Variants in FBXL6 observed in about 807,000 individuals in gnomAD.
FBXL6 encodes the protein F-box and leucine rich repeat protein 6, also known as F-box/LRR-repeat protein 6.
FBXL6 carries 50 observed loss-of-function variants against 53.3 expected under a neutral mutation model. The ratio of observed to expected loss-of-function variants is 0.94; its 90% confidence interval spans 0.75 to 1.19. FBXL6 has a LOEUF of 1.19. Among genes scored for constraint, FBXL6 ranks in the 50% most tolerant of loss-of-function variants. The pLI is 0.00. For synonymous variants in FBXL6, 405 were observed against 322.9 expected, an observed-to-expected ratio of 1.25 and a Z score of -2.73; for missense variants, 815 against 719.0, an observed-to-expected ratio of 1.13 and a Z score of -1.53.
intron 7 of FBXL6, 34 bp downstream of exon 7, chr8:144,356,266 C>A: frequency 1.2e-6 from 2 of 1,611,570 alleles, no homozygotes; most frequent in Non-Finnish European, 8.5e-7. Flanking sequence ...GCCCCCACAC[C>A]TCACCCGCCC....
In FBXL6 at chr8:144,355,965, G is replaced by C. The variant is rs370546557; in HGVS notation, c.1472+3C>G. On this transcript the variant is annotated splice_donor_region_variant and intron_variant, in intron 8 of 8. Coordinates refer to ENST00000331890, the MANE Select transcript of FBXL6 (RefSeq NM_012162.4). The stretch of plus-strand genomic sequence containing the variant: ...TCCAGGGACTGGGGTAGGGGATGCT[G>C]ACCTGACAGTGCTTGGTGTGACCCG... 6.2e-7 allele frequency: 1 copy of C among 1,611,576 alleles called. No homozygotes were observed. The highest frequency in any genetic ancestry group is 2.2e-5 in the East Asian group (1 of 44,842).
chr8:144,357,042 A>G lies in FBXL6; in HGVS notation c.719T>C (p.Met240Thr). The G allele has an allele frequency of 6.2e-7, 1 of 1,612,968 alleles. No individual in the cohort carries two copies. The highest frequency in any genetic ancestry group is 8.5e-7 in the Non-Finnish European group (1 of 1,180,008). ...CHGVTADALV[M>T]LAKACCQLHS... ...GAGCTGGCAGCAGGCTTTGGCTAGC[A>G]TGACCAGAGCGTCAGCAGTCACACC... The change falls in exon 4 of 9, where the codon ATG (methionine) becomes ACG (threonine). Residue 240 changes from methionine (M) to threonine (T), a missense_variant. Met to Thr is a moderately conservative substitution (Grantham distance 81, BLOSUM62 -1). Coordinates refer to ENST00000331890, the MANE Select transcript of FBXL6 (RefSeq NM_012162.4).
chr8:144,356,944 A>G, intron 4 of FBXL6, 29 bp from the exon 5 acceptor site: 1 of 1,612,910 alleles, frequency 6.2e-7, no homozygotes, highest in Non-Finnish European at 8.5e-7. Flanking sequence ...AGCACCCGTC[A>G]CCCCGGCCTG....
At chr8:144,357,605 A>G in intron 2 of FBXL6, 23 bp downstream of exon 2, 1 of 1,606,054 alleles carries the variant, frequency 6.2e-7, no homozygotes, top group Non-Finnish European at 8.5e-7. Flanking sequence ...AGCCAGGGGT[A>G]AGGAAGAGAG....
Position 144,355,996 on chromosome 8 carries a change from C to A in FBXL6, c.1444G>T (p.Gly482Cys), listed in dbSNP as rs199589027. ...HPALCSLNLR[G>C]TRVTPSTVSS... ...ACAGTGCTTGGTGTGACCCGGGTGC[C>A]CCTGAGGTTAAGAGAGCACAGGGCT... Residue 482 changes from glycine (G) to cysteine (C), a missense_variant, in exon 8 of 9, where the codon GGC becomes TGC. Gly to Cys is a radical substitution (Grantham distance 159). Coordinates refer to ENST00000331890, the MANE Select transcript of FBXL6 (RefSeq NM_012162.4). 3 of 1,612,996 alleles carry A rather than the reference C, an allele frequency of 1.9e-6. No homozygotes were observed. The East Asian group carries it at 6.7e-5, about 36-fold the overall frequency.
intron 7 of FBXL6, 21 bp downstream of exon 7, chr8:144,356,279 C>A: frequency 6.2e-7 from 1 of 1,611,736 alleles, no homozygotes; most frequent in African/African-American, 1.3e-5. Flanking sequence ...ACCCGCCCGG[C>A]CACCACCCAG....
In FBXL6 at chr8:144,356,860, T is replaced by C; in HGVS notation, c.827A>G (p.Lys276Arg). 6.2e-7 allele frequency: 1 copy of C among 1,613,356 alleles called. No homozygotes were observed. Among genetic ancestry groups the C allele is most frequent in the Non-Finnish European group, 8.5e-7 (1 of 1,179,988 alleles). Residue 276 changes from lysine (K) to arginine (R), a missense_variant, in exon 5 of 9, where the codon AAG (lysine) becomes AGG (arginine). Coordinates refer to ENST00000331890, the MANE Select transcript of FBXL6 (RefSeq NM_012162.4). ...FLEEAGSRMR[K>R]LWLTYSSQTT... Reference sequence around the variant, plus strand: ...CTGGGAGCTGTAGGTCAGCCACAACTTGCGCATTCGGGACCCTGCCTCCTC... The same window carrying C: ...CTGGGAGCTGTAGGTCAGCCACAACCTGCGCATTCGGGACCCTGCCTCCTC...
In FBXL6 at chr8:144,355,644, G is replaced by C; in HGVS notation, c.1507C>G (p.Leu503Val). 2 of 1,610,956 alleles carry C rather than the reference G, an allele frequency of 1.2e-6. No homozygotes were observed. The highest frequency in any genetic ancestry group is 1.7e-6 in the Non-Finnish European group (2 of 1,179,802). ...AGGCAGCGGCAGGACTCCAGGTTGAGGTAGAGCAGGCCCGGGCAGCCGCTG... is the reference window on the plus strand; with the variant it reads ...AGGCAGCGGCAGGACTCCAGGTTGACGTAGAGCAGGCCCGGGCAGCCGCTG... Reference protein sequence around the residue: ...VISGCPGLLYLNLESCRCLPR... With the variant: ...VISGCPGLLYVNLESCRCLPR... Residue 503 changes from leucine (L) to valine (V), a missense_variant, in exon 9 of 9, where the codon CTC (leucine) becomes GTC (valine). Physicochemically the swap from Leu to Val is conservative, Grantham distance 32. Coordinates refer to ENST00000331890, the MANE Select transcript of FBXL6 (RefSeq NM_012162.4).
At position 144,356,169 on chromosome 8, in the gene FBXL6, A is replaced by G. The variant is rs1554852718; in HGVS notation, c.1271T>C (p.Leu424Pro). ...GGGGCTGCCCTCCTTGGCTAGAGTC[A>G]GCCGGTCTGACGTGCCATACAGGCC... ...HLGLYGTSDR[L>P]TLAKEGSPFL... The change falls in exon 8 of 9, where the codon CTG (leucine) becomes CCG (proline). Residue 424 changes from leucine to proline, a missense_variant. Transcript: ENST00000331890. 1 of 1,612,006 alleles carries G rather than the reference A, an allele frequency of 6.2e-7. No individual in the cohort carries two copies. Among genetic ancestry groups the G allele is most frequent in the African/African-American group, 1.3e-5 (1 of 74,710 alleles).
chr8:144,357,293 G>C, intron 3 of FBXL6, 146 bp downstream of exon 3: 1 of 1,245,914 alleles, frequency 8.0e-7, no homozygotes, highest in South Asian at 1.5e-5. Context: ...CCTGCTGGAG[G>C]AAACAGCAGG....
chr8:144,357,629 G>T lies in FBXL6; in HGVS notation c.574C>A (p.Arg192=), dbSNP rs782387059. The T allele has an allele frequency of 8.7e-6, 14 of 1,605,734 alleles. No individual in the cohort carries two copies. The highest frequency in any genetic ancestry group is 1.2e-5 in the Non-Finnish European group (14 of 1,174,916). The change falls in exon 2 of 9, where the codon CGG becomes AGG. Residue 192 remains arginine (R), a splice_region_variant and synonymous_variant. Coordinates refer to ENST00000331890, the MANE Select transcript of FBXL6 (RefSeq NM_012162.4). The part of the protein sequence containing the change: ...LASLEWLMPN[R]FSQLQRLTLI... ...TAAGGAAGAGAGGGAACCCCTCACC[G>T]ATTGGGCATAAGCCACTCCAGGGAA...
intron 3 of FBXL6, 126 bp downstream of exon 3, chr8:144,357,313 C>CCAGG: frequency 1.6e-6 from 2 of 1,284,866 alleles, no homozygotes; most frequent in Non-Finnish European, 2.1e-6. Context: ...GAAAAGAGAA[C>CCAGG]CAGGCAGGCA....
At position 144,356,807 on chromosome 8, in the gene FBXL6, C is replaced by A; in HGVS notation, c.879+1G>T. ...CTCTGCTCCCACCAATGCCAACTTACCAGCAGTGCGCCCAGGATGGCTGTC... is the reference window on the plus strand; with the variant it reads ...CTCTGCTCCCACCAATGCCAACTTAACAGCAGTGCGCCCAGGATGGCTGTC... On this transcript the variant is annotated splice_donor_variant, in intron 5 of 8. Coordinates refer to ENST00000331890, the MANE Select transcript of FBXL6 (RefSeq NM_012162.4). LOFTEE classifies it high-confidence loss of function. 6.2e-7 allele frequency: 1 copy of A among 1,613,318 alleles called. No individual in the cohort carries two copies. Among genetic ancestry groups the A allele is most frequent in the Non-Finnish European group, 8.5e-7 (1 of 1,180,012 alleles).
At chr8:144,357,241 C>A in intron 3 of FBXL6, 120 bp from the exon 4 acceptor site, 2 of 1,415,068 alleles carry the variant, frequency 1.4e-6, no homozygotes, top group Non-Finnish European at 1.9e-6. Context: ...CTCCTTTCTG[C>A]CCATGCCAGG....
In FBXL6 at chr8:144,355,532, T is replaced by C; in HGVS notation, c.1619A>G (p.Ter540TrpextTer29). The change falls in exon 9 of 9, where the codon TAG becomes TGG. Residue 540 changes from the stop codon to tryptophan, a stop_lost. Transcript: ENST00000331890. ...EQLLTSPSPS[*>W] ...GAGGTGTCCCAGGTCTGTGGCTGCC[T>C]AGCTGGGTGAGGGGCTGGTGAGCAG... 1 of 1,608,296 alleles carries C rather than the reference T, an allele frequency of 6.2e-7. No individual in the cohort carries two copies. Among genetic ancestry groups the C allele is most frequent in the Non-Finnish European group, 8.5e-7 (1 of 1,177,406 alleles).
rs1009060977 is a variant in FBXL6 at position 144,357,039 on chromosome 8, A to G, written c.722T>C (p.Leu241Pro). Reference sequence around the variant, plus strand: ...ATGGAGCTGGCAGCAGGCTTTGGCTAGCATGACCAGAGCGTCAGCAGTCAC... The same window carrying G: ...ATGGAGCTGGCAGCAGGCTTTGGCTGGCATGACCAGAGCGTCAGCAGTCAC... ...HGVTADALVM[L>P]AKACCQLHSL... The change falls in exon 4 of 9, where the codon CTA (leucine) becomes CCA (proline). Residue 241 changes from leucine to proline, a missense_variant. Coordinates refer to ENST00000331890, the MANE Select transcript of FBXL6 (RefSeq NM_012162.4). 1 of 1,612,990 alleles carries G rather than the reference A, an allele frequency of 6.2e-7. No homozygotes were observed. Among genetic ancestry groups the G allele is most frequent in the East Asian group, 2.2e-5 (1 of 44,884 alleles).
In FBXL6 at chr8:144,356,534, G is replaced by T; in HGVS notation, c.994-3C>A. ...ATCAGGTTCAACAGCCGCAGCACCT[G>T]GGGGCAAGGTCCAGGCTGTAGATGG... On this transcript the variant is annotated splice_region_variant and splice_polypyrimidine_tract_variant and intron_variant, in intron 6 of 8. Transcript: ENST00000331890. The T allele has an allele frequency of 6.2e-7, 1 of 1,612,874 alleles. No individual in the cohort carries two copies. Among genetic ancestry groups the T allele is most frequent in the Non-Finnish European group, 8.5e-7 (1 of 1,179,872 alleles).
chr8:144,358,015 C>A lies in FBXL6; in HGVS notation c.416+17G>T, dbSNP rs782546539. The A allele has an allele frequency of 3.2e-6, 5 of 1,580,416 alleles. No individual in the cohort carries two copies. The South Asian group carries it at 4.5e-5, about 14-fold the overall frequency. ...CCAAGCCGCTACGCTCGGCGGCGGG[C>A]CCGGCACCAGCGTTACCTGCCCAGG... On this transcript the variant is annotated intron_variant, in intron 1 of 8. Coordinates refer to ENST00000331890, the MANE Select transcript of FBXL6 (RefSeq NM_012162.4).
In FBXL6 at chr8:144,358,119, C is replaced by T. The variant is rs770883571; in HGVS notation, c.329G>A (p.Gly110Asp). The T allele has an allele frequency of 6.9e-6, 11 of 1,583,318 alleles. No individual in the cohort carries two copies. The East Asian group carries it at 1.7e-4, about 24-fold the overall frequency. ...TPTPEEGPDA[G>D]WGDRIPLEIL... is the part of the protein sequence containing the mutation. Reference sequence around the variant, plus strand: ...TTCCAAGGGAATGCGGTCTCCCCAGCCCGCGTCGGGCCCTTCCTCGGGCGT... The same window carrying T: ...TTCCAAGGGAATGCGGTCTCCCCAGTCCGCGTCGGGCCCTTCCTCGGGCGT... The change falls in exon 1 of 9, where the codon GGC becomes GAC. Residue 110 changes from glycine (G) to aspartate (D), a missense_variant. Gly to Asp is a moderately conservative substitution (Grantham distance 94, BLOSUM62 -1). Transcript: ENST00000331890.
Sources: allele counts gnomAD v4.1 joint callset, GRCh38; gene constraint gnomAD v4.1.1; transcripts MANE v1.5; gene names NCBI Gene and HGNC (gene_info 2026-07-23, HGNC 2026-07-21).